Variants in CDH8 observed in about 807,000 individuals in gnomAD.
CDH8 encodes the protein cadherin 8.
In CDH8, 17 loss-of-function variants were observed where a neutral mutation model predicts 68.1. That is an observed-to-expected ratio of 0.25 (90% CI 0.17 to 0.37). The LOEUF (loss-of-function observed/expected upper bound fraction) is 0.37. CDH8 is among the 10% of genes least tolerant of loss of function. The probability of loss-of-function intolerance (pLI) is 1.00; values close to 1 mark genes in which losing one functional copy is unlikely to be tolerated. For missense variants in CDH8, 763 were observed against 999.3 expected (o/e 0.76, Z 3.19); for synonymous variants, 372 against 365.1 (o/e 1.02, Z -0.21).
chr16:61,709,621 G>A (rs1252659683), intron 10 of CDH8, among the ~76,000 whole-genome samples: 6 of 151,994 alleles, frequency 3.9e-5, no homozygotes, highest in Non-Finnish European at 8.8e-5. Flanking sequence ...GAAGTTTGGA[G>A]GCAATTTAGA....
chr16:61,951,363 A>T (rs1239937432), intron 2 of CDH8, among the ~76,000 whole-genome samples: 1 of 152,018 alleles, frequency 6.6e-6, no homozygotes, highest in Non-Finnish European at 1.5e-5. Context: ...TACAAAAAAA[A>T]TTAGCTGGGC....
intron 2 of CDH8, among the ~76,000 whole-genome samples, chr16:61,960,013 T>TATATATATATATATAC (rs1428445364): frequency 8.7e-5 from 7 of 80,550 alleles, no homozygotes; most frequent in Non-Finnish European, 1.5e-4. Flanking sequence ...TATATATATA[T>TATATATATATATATAC]ATACACACAT....
chr16:61,928,141 A>T (rs1016694435), intron 2 of CDH8, among the ~76,000 whole-genome samples: 1 of 152,198 alleles, frequency 6.6e-6, no homozygotes, highest in Non-Finnish European at 1.5e-5. Context: ...CTACTGTACC[A>T]CTAACAGAAA....
At chr16:61,957,510 C>T (rs1452538847) in intron 2 of CDH8, among the ~76,000 whole-genome samples, 1 of 152,084 alleles carries the variant, frequency 6.6e-6, no homozygotes, top group African/African-American at 2.4e-5. Context: ...CCATTCGGCT[C>T]AGGTACAAAA....
chr16:61,721,996 T>C (rs978754022), intron 9 of CDH8, among the ~76,000 whole-genome samples: 8 of 150,808 alleles, frequency 5.3e-5, no homozygotes, highest in Admixed American at 2.7e-4. Flanking sequence ...TCCATCTCCA[T>C]AGCCACCACC....
At chr16:62,012,901 G>T (rs977357202) in intron 2 of CDH8, among the ~76,000 whole-genome samples, 1 of 152,068 alleles carries the variant, frequency 6.6e-6, no homozygotes, top group Non-Finnish European at 1.5e-5. Context: ...TTCAACTGGG[G>T]AAATCTCCAC....
chr16:61,975,887 G>A (rs1465220901), intron 2 of CDH8, among the ~76,000 whole-genome samples: 1 of 152,114 alleles, frequency 6.6e-6, no homozygotes, highest in Admixed American at 6.6e-5. Flanking sequence ...AGGTTTATGT[G>A]CCTACCCAGC....
chr16:61,871,815 C>CAAAAAAAAAAAAAAAAAA (rs144379377), intron 3 of CDH8, among the ~76,000 whole-genome samples: 2 of 43,344 alleles, frequency 4.6e-5, no homozygotes, highest in African/African-American at 8.6e-5. Context: ...GTTCTATATG[C>CAAAAAAAAAAAAAAAAAA]AAAAAAAAAA....
At chr16:61,694,587 G>T (rs546683758) in intron 10 of CDH8, among the ~76,000 whole-genome samples, 1 of 152,078 alleles carries the variant, frequency 6.6e-6, no homozygotes, top group Non-Finnish European at 1.5e-5. Flanking sequence ...GTCATATGGG[G>T]TGATGAGGTT....
intron 3 of CDH8, among the ~76,000 whole-genome samples, chr16:61,889,797 A>T (rs1053098051): frequency 2.0e-5 from 3 of 152,166 alleles, no homozygotes; most frequent in Non-Finnish European, 2.9e-5. Context: ...ATCAACAAAT[A>T]TGTTGAATCC....
chr16:61,901,716 A>G (rs142331524), intron 2 of CDH8, among the ~76,000 whole-genome samples: 1 of 152,314 alleles, frequency 6.6e-6, no homozygotes, highest in Non-Finnish European at 1.5e-5. Context: ...ATAAAACAAC[A>G]TGCTTTTAGA....
At chr16:61,699,230 A>G (rs140878618) in intron 10 of CDH8, among the ~76,000 whole-genome samples, 79 of 152,278 alleles carry the variant, frequency 5.2e-4, no homozygotes, top group African/African-American at 1.9e-3. Context: ...CTTTGATGCA[A>G]AACTCCACGT....
intron 2 of CDH8, among the ~76,000 whole-genome samples, chr16:62,004,308 C>A (rs1197179778): frequency 6.6e-6 from 1 of 152,116 alleles, no homozygotes; most frequent in African/African-American, 2.4e-5. Flanking sequence ...TGCAATGATA[C>A]AAGCTGAGTA....
intron 8 of CDH8, among the ~76,000 whole-genome samples, chr16:61,768,339 T>C (rs1960657085): frequency 9.1e-6 from 1 of 109,562 alleles, no homozygotes; most frequent in Non-Finnish European, 1.9e-5. Context: ...TCTCTCTCTC[T>C]CTCTCTCTCT....
chr16:61,664,770 C>T (rs929587550), intron 10 of CDH8, among the ~76,000 whole-genome samples: 4 of 151,864 alleles, frequency 2.6e-5, no homozygotes, highest in African/African-American at 9.7e-5. Flanking sequence ...GAGGTGCATA[C>T]CAGAATTCTA....
intron 8 of CDH8, among the ~76,000 whole-genome samples, chr16:61,750,606 GT>G (rs1231186511): frequency 6.6e-6 from 1 of 151,976 alleles, no homozygotes; most frequent in Admixed American, 6.6e-5. Context: ...GTTGACTCTA[GT>G]TTATTATACA....
chr16:61,653,698 G>C lies in CDH8; in HGVS notation c.2310C>G (p.Asp770Glu). 1 of 1,614,150 alleles carries C rather than the reference G, an allele frequency of 6.2e-7. No individual in the cohort carries two copies. The highest frequency in any genetic ancestry group is 2.2e-5 in the East Asian group (1 of 44,860). ...SSLESTTSDSDQNFDYLSDWG... is the reference protein window; with the variant it reads ...SSLESTTSDSEQNFDYLSDWG... ...AGTCACTGAGGTAGTCAAAATTCTG[G>C]TCTGAGTCTGATGTGGTGGACTCCA... Residue 770 changes from aspartate to glutamate, a missense_variant, in exon 12 of 12, where the codon GAC becomes GAG. This residue lies in a region of CDH8 where 397 missense variants were observed against 436.2 expected (regional missense o/e 0.91). Transcript: ENST00000577390.
In CDH8 at chr16:61,665,797, T is replaced by C. The variant is rs1180319413; in HGVS notation, c.1655-10076A>G. Among the ~76,000 whole-genome samples the C allele has an allele frequency of 5.0e-4, 62 of 125,150 alleles. 1 individual carries two copies. Among genetic ancestry groups the C allele is most frequent in the African/African-American group, 1.6e-3 (52 of 33,176 alleles). The allele number at this position is 125,150 out of a possible 152,430, so 82.1% of individuals were successfully genotyped here. ...CTTCCTTCCTTCCTTCCTTCCTTCC[T>C]TCCTTCCTTTCCCTCCTTCCTTCCT... On this transcript the variant is annotated intron_variant, in intron 10 of 11. Transcript: ENST00000577390.
chr16:62,031,548 C>T (rs910521387), intron 1 of CDH8, among the ~76,000 whole-genome samples: 2 of 151,998 alleles, frequency 1.3e-5, no homozygotes, highest in Non-Finnish European at 2.9e-5. Context: ...GCAGTGGAGG[C>T]AGAGAAAGAA....
Sources: allele counts gnomAD v4.1 joint callset (sites outside exome capture counted in the v4.1 genomes callset), GRCh38; gene constraint gnomAD v4.1.1; regional missense constraint gnomAD v4.1.1; transcripts MANE v1.5; gene names NCBI Gene and HGNC (gene_info 2026-07-23, HGNC 2026-07-21).